Variants in KIR2DL3 observed in about 807,000 individuals in gnomAD.
KIR2DL3 encodes killer cell immunoglobulin-like receptor 2DL3.
A neutral mutation model predicts 33.8 loss-of-function variants in KIR2DL3; 39 were observed. The observed-to-expected ratio is 1.15, with a 90% CI of 0.89 to 1.51. The LOEUF is 1.51. Ranked by LOEUF, KIR2DL3 falls within the 40% of genes most tolerant of loss-of-function variation. The probability of loss-of-function intolerance (pLI) is 0.00; values close to 1 mark genes in which losing one functional copy is unlikely to be tolerated. For synonymous variants in KIR2DL3, 174 were observed against 160.2 expected (o/e 1.09, Z -0.65); for missense variants, 462 against 426.2 (o/e 1.08, Z -0.74).
intron 4 of KIR2DL3, among the ~76,000 whole-genome samples, chr19:54,746,809 A>C (rs1421266885): frequency 2.7e-5 from 4 of 149,370 alleles, no homozygotes; most frequent in Non-Finnish European, 5.9e-5. Context: ...GTGATGAAAC[A>C]TTGTCTCCAC....
chr19:54,740,080 A>T (rs1600302215), intron 2 of KIR2DL3, among the ~76,000 whole-genome samples: 1 of 152,282 alleles, frequency 6.6e-6, no homozygotes, highest in Non-Finnish European at 1.5e-5. Flanking sequence ...ACTTGCTCAA[A>T]GTTCTCAGCT....
At position 54,738,634 on chromosome 19, in the gene KIR2DL3, A is replaced by C. The variant is rs1252183738; in HGVS notation, c.34+55A>C. Reference sequence around the variant, plus strand: ...AGTGCGGGGATGGAGATCGGGGCCCAGAGTTGGAGATATAGGCCTGGAAGT... The same window carrying C: ...AGTGCGGGGATGGAGATCGGGGCCCCGAGTTGGAGATATAGGCCTGGAAGT... On this transcript the variant is annotated intron_variant, in intron 1 of 7. Transcript: ENST00000342376. 10 of 1,605,710 alleles carry C rather than the reference A, an allele frequency of 6.2e-6. No individual in the cohort carries two copies. In the African/African-American group the frequency reaches 1.4e-4, roughly 22 times the overall value.
chr19:54,739,568 T>G (rs762209225), intron 2 of KIR2DL3, 26 bp downstream of exon 2: 1 of 1,613,916 alleles, frequency 6.2e-7, no homozygotes, highest in Admixed American at 1.7e-5. Context: ...AACCTTCGGG[T>G]GTCATCTCCC....
intron 2 of KIR2DL3, among the ~76,000 whole-genome samples, chr19:54,740,742 T>C (rs1394620007): frequency 6.6e-6 from 1 of 151,928 alleles, no homozygotes; most frequent in Non-Finnish European, 1.5e-5. Flanking sequence ...TTCTAATCCC[T>C]GGAGTCTGTG....
intron 4 of KIR2DL3, among the ~76,000 whole-genome samples, chr19:54,746,902 A>T (rs2072589189): frequency 6.8e-6 from 1 of 147,860 alleles, no homozygotes; most frequent in Non-Finnish European, 1.5e-5. Context: ...GAATTGATTG[A>T]ACCCAGGAGG....
chr19:54,748,502 T>G (rs538843830), intron 5 of KIR2DL3, among the ~76,000 whole-genome samples: 1,796 of 143,826 alleles, frequency 0.012, 63 homozygotes, highest in Non-Finnish European at 0.019. Context: ...GCATTTGGCT[T>G]CTGCCCTTGG....
At chr19:54,749,344 C>T (rs200716266) in intron 5 of KIR2DL3, among the ~76,000 whole-genome samples, 224 of 138,564 alleles carry the variant, frequency 1.6e-3, no homozygotes, top group Middle Eastern at 3.6e-3. Context: ...TCTAGGAGAC[C>T]GTGGAAAAGG....
intron 2 of KIR2DL3, among the ~76,000 whole-genome samples, chr19:54,740,581 T>C (rs1263780257): frequency 1.3e-5 from 2 of 151,536 alleles, no homozygotes; most frequent in Admixed American, 6.6e-5. Flanking sequence ...GGATTCTCCT[T>C]GTCCCACCTC....
chr19:54,742,151 C>G lies in KIR2DL3; in HGVS notation c.242C>G (p.Ser81Cys). The change falls in exon 3 of 8, where the codon TCC becomes TGC. Residue 81 changes from serine to cysteine, a missense_variant. Transcript: ENST00000342376. ...HLIGEHHDGV[S>C]KANFSIGPMM... ...ATTGGAGAGCACCATGATGGGGTCTCCAAGGCCAACTTCTCCATCGGTCCC... is the reference window on the plus strand; with the variant it reads ...ATTGGAGAGCACCATGATGGGGTCTGCAAGGCCAACTTCTCCATCGGTCCC... 3.1e-6 allele frequency: 5 copies of G among 1,614,102 alleles called. No individual in the cohort carries two copies. The highest frequency in any genetic ancestry group is 4.2e-6 in the Non-Finnish European group (5 of 1,180,012).
chr19:54,747,393 C>T lies in KIR2DL3; in HGVS notation c.715+8C>T, dbSNP rs2072707664. 1 of 1,610,444 alleles carries T rather than the reference C, an allele frequency of 6.2e-7. No individual in the cohort carries two copies. The highest frequency in any genetic ancestry group is 2.2e-5 in the East Asian group (1 of 44,876). On this transcript the variant is annotated splice_region_variant and intron_variant, in intron 5 of 7. Coordinates refer to ENST00000342376, the MANE Select transcript of KIR2DL3 (RefSeq NM_015868.3). ...AACCAAGCTCCGAAACCGGTGAGTACAGAACCCTCTTATATCCGCTTTTGG... is the reference window on the plus strand; with the variant it reads ...AACCAAGCTCCGAAACCGGTGAGTATAGAACCCTCTTATATCCGCTTTTGG...
intron 1 of KIR2DL3, among the ~76,000 whole-genome samples, chr19:54,739,061 T>C (rs2070433378): frequency 6.8e-6 from 1 of 147,426 alleles, no homozygotes; most frequent in Admixed American, 6.7e-5. Context: ...GTTATGGGCC[T>C]AGAGGTGGAT....
intron 4 of KIR2DL3, among the ~76,000 whole-genome samples, chr19:54,746,710 T>C (rs565921310): frequency 6.6e-6 from 1 of 150,572 alleles, no homozygotes; most frequent in African/African-American, 2.4e-5. Flanking sequence ...GGGCTGGGCA[T>C]GGTGGCTGAC....
In KIR2DL3 at chr19:54,739,459, G is replaced by C. The variant is rs10422891; in HGVS notation, c.35-48G>C. The C allele has an allele frequency of 6.5e-5, 98 of 1,498,642 alleles. No individual in the cohort carries two copies. The African/African-American group carries it at 8.2e-4, about 13-fold the overall frequency. 92.8% of individuals were successfully genotyped at this position (1,498,642 alleles called of 1,614,324 possible). ...CAGCCCAGTGGGGGCAGCAAGGGAG[G>C]CCTGGTTTGCCTGCAGATGGATGGT... is the stretch of plus-strand genomic sequence containing the variant. On this transcript the variant is annotated intron_variant, in intron 1 of 7. Coordinates refer to ENST00000342376, the MANE Select transcript of KIR2DL3 (RefSeq NM_015868.3).
chr19:54,748,293 G>A (rs1226420657), intron 5 of KIR2DL3, among the ~76,000 whole-genome samples: 17 of 151,692 alleles, frequency 1.1e-4, no homozygotes, highest in Admixed American at 9.9e-4. Flanking sequence ...TCACCAAGAT[G>A]AAAATCCCTC....
Position 54,745,791 on chromosome 19 carries a change from T to C in KIR2DL3, c.665-1544T>C, listed in dbSNP as rs185058397. ...TTGGCAGGATTTCCTTTGCCTGTCTTGCAGCTAAAAGCCATTTTATTTTAT... is the reference window on the plus strand; with the variant it reads ...TTGGCAGGATTTCCTTTGCCTGTCTCGCAGCTAAAAGCCATTTTATTTTAT... On this transcript the variant is annotated intron_variant, in intron 4 of 7. Transcript: ENST00000342376. 6.9e-3 allele frequency among the ~76,000 whole-genome samples: 1,038 copies of C among 149,974 alleles called. 19 individuals are homozygous for C. The highest frequency in any genetic ancestry group is 0.024 in the African/African-American group (982 of 41,058).
chr19:54,742,424 A>G lies in KIR2DL3; in HGVS notation c.370+145A>G. On this transcript the variant is annotated intron_variant, in intron 3 of 7. Coordinates refer to ENST00000342376, the MANE Select transcript of KIR2DL3 (RefSeq NM_015868.3). ...TGCTGAGGTTTGTACCAACAGAGAC[A>G]GAGAAACAGGAGACACAAGTACAGA... 6 of 1,229,322 alleles carry G rather than the reference A, an allele frequency of 4.9e-6. No homozygotes were observed. In the South Asian group the frequency reaches 6.5e-5, roughly 13 times the overall value. The allele number at this position is 1,229,322 out of a possible 1,614,324, so 76.2% of individuals were successfully genotyped here.
intron 3 of KIR2DL3, 85 bp from the exon 4 acceptor site, chr19:54,743,710 G>A: frequency 9.1e-7 from 1 of 1,097,162 alleles, no homozygotes; most frequent in Non-Finnish European, 1.3e-6. Flanking sequence ...TTAGGTCATA[G>A]AGCAGGGGAG....
intron 2 of KIR2DL3, among the ~76,000 whole-genome samples, chr19:54,741,446 G>A (rs1313652972): frequency 1.3e-5 from 2 of 151,978 alleles, no homozygotes; most frequent in Non-Finnish European, 2.9e-5. Flanking sequence ...TCCACATAGG[G>A]AGGGGTTGAT....
chr19:54,750,823 C>T (rs1319202132), intron 5 of KIR2DL3, among the ~76,000 whole-genome samples: 1 of 134,152 alleles, frequency 7.5e-6, no homozygotes. Context: ...AAAAGCTACT[C>T]GGGACATATG....
Sources: allele counts gnomAD v4.1 joint callset (sites outside exome capture counted in the v4.1 genomes callset), GRCh38; gene constraint gnomAD v4.1.1; transcripts MANE v1.5; gene names NCBI Gene and HGNC (gene_info 2026-07-23, HGNC 2026-07-21).